Variants in PAIP2 observed in about 807,000 individuals in gnomAD.
The protein encoded by PAIP2 is polyadenylate-binding protein-interacting protein 2.
PAIP2 carries 7 observed loss-of-function variants against 14.8 expected under a neutral mutation model. That is an observed-to-expected ratio of 0.47 (90% CI 0.27 to 0.89). The LOEUF (loss-of-function observed/expected upper bound fraction) is 0.89. Ranked by LOEUF, PAIP2 falls within the 40% of genes least tolerant of loss-of-function variation. PAIP2 has a pLI of 0.13. For synonymous variants in PAIP2, 47 were observed against 45.3 expected (o/e 1.04, Z -0.15); for missense variants, 122 against 154.7 (o/e 0.79, Z 1.12).
Position 139,345,275 on chromosome 5 carries a change from G to A in PAIP2, c.-27+3295G>A, listed in dbSNP as rs544283566. On this transcript the variant is annotated intron_variant, in intron 1 of 3. Coordinates refer to ENST00000265192, the MANE Select transcript of PAIP2 (RefSeq NM_016480.5). Reference sequence around the variant, plus strand: ...AGGATGGTCTCGATCTCCTGACCTCGTGATCCAACGGCCTTGGCCTCCCAA... The same window carrying A: ...AGGATGGTCTCGATCTCCTGACCTCATGATCCAACGGCCTTGGCCTCCCAA... Among the ~76,000 whole-genome samples the A allele has an allele frequency of 2.1e-3, 325 of 152,096 alleles. 1 individual carries two copies. Among genetic ancestry groups the A allele is most frequent in the African/African-American group, 7.5e-3 (311 of 41,470 alleles).
chr5:139,348,198 A>G (rs1756615992), intron 1 of PAIP2, among the ~76,000 whole-genome samples: 1 of 149,738 alleles, frequency 6.7e-6, no homozygotes, highest in South Asian at 2.1e-4. Flanking sequence ...TTATTTATTT[A>G]TATTTTTTGA....
intron 1 of PAIP2, among the ~76,000 whole-genome samples, chr5:139,348,407 T>A (rs1286844266): frequency 6.6e-6 from 1 of 150,584 alleles, no homozygotes; most frequent in African/African-American, 2.4e-5. Context: ...CAAGTTGGAG[T>A]GCAGTGGCGT....
rs1185620394 is a variant in PAIP2 at position 139,352,488 on chromosome 5, G to GTTT, written c.-27+10516_-27+10518dup. On this transcript the variant is annotated intron_variant, in intron 1 of 3. Transcript: ENST00000265192. ...TGGCTTTCTCAGTTAATTCCTGCCA[G>GTTT]TTTTTTTTTTGTTGTTTTTTTTTTT... Among the ~76,000 whole-genome samples the GTTT allele has an allele frequency of 1.9e-3, 183 of 94,788 alleles. 7 individuals carry two copies. The highest frequency in any genetic ancestry group is 4.5e-3 in the South Asian group (12 of 2,654). The allele number at this position is 94,788 out of a possible 152,430, so 62.2% of individuals were successfully genotyped here. A position where few individuals can be genotyped will look rare whatever the true frequency, so the allele number is the denominator to read the frequency against.
intron 1 of PAIP2, among the ~76,000 whole-genome samples, chr5:139,360,689 C>T (rs558421761): frequency 1.3e-5 from 2 of 152,142 alleles, no homozygotes; most frequent in South Asian, 4.2e-4. Context: ...TATCAAACTC[C>T]TGGGCTCAAG....
At chr5:139,350,623 T>G (rs1404537995) in intron 1 of PAIP2, among the ~76,000 whole-genome samples, 1 of 150,852 alleles carries the variant, frequency 6.6e-6, no homozygotes, top group African/African-American at 2.4e-5. Context: ...AGAGTGAGAC[T>G]CTGTCTCAAA....
At chr5:139,364,451 C>A in intron 2 of PAIP2, 113 bp from the exon 3 acceptor site, 1 of 589,228 alleles carries the variant, frequency 1.7e-6, no homozygotes, top group Non-Finnish European at 2.9e-6. Flanking sequence ...AGCATGGAAG[C>A]AGAAAAGAAA....
chr5:139,343,836 G>A (rs1011690539), intron 1 of PAIP2, among the ~76,000 whole-genome samples: 2 of 149,532 alleles, frequency 1.3e-5, no homozygotes, highest in Non-Finnish European at 3.0e-5. Flanking sequence ...TCCTGCCTCC[G>A]CCTCCCTAGT....
chr5:139,360,321 A>T (rs1757031932), intron 1 of PAIP2, among the ~76,000 whole-genome samples: 1 of 152,092 alleles, frequency 6.6e-6, no homozygotes, highest in African/African-American at 2.4e-5. Context: ...CTATCAAAAT[A>T]GTTTTTCATC....
At chr5:139,354,487 G>A (rs747675124) in intron 1 of PAIP2, among the ~76,000 whole-genome samples, 4 of 152,018 alleles carry the variant, frequency 2.6e-5, no homozygotes, top group Admixed American at 6.6e-5. Flanking sequence ...GTATTGGTAC[G>A]GGTCATATTG....
intron 3 of PAIP2, among the ~76,000 whole-genome samples, chr5:139,365,839 A>T (rs1407737322): frequency 2.6e-5 from 4 of 152,210 alleles, no homozygotes; most frequent in African/African-American, 9.6e-5. Context: ...TTAATAATTT[A>T]AAAACACACA....
intron 3 of PAIP2, among the ~76,000 whole-genome samples, chr5:139,366,709 C>T (rs1334345853): frequency 6.6e-6 from 1 of 152,202 alleles, no homozygotes; most frequent in African/African-American, 2.4e-5. Context: ...TTGTTCTTCT[C>T]AGTCTATTTG....
intron 3 of PAIP2, among the ~76,000 whole-genome samples, chr5:139,366,749 C>T (rs764954002): frequency 2.0e-5 from 3 of 152,156 alleles, no homozygotes; most frequent in Non-Finnish European, 4.4e-5. Context: ...TTCTGTTGCT[C>T]CCAGAAAATT....
intron 1 of PAIP2, among the ~76,000 whole-genome samples, chr5:139,348,145 C>CA (rs56677878): frequency 0.08 from 5,537 of 69,332 alleles, 282 homozygotes; most frequent in African/African-American, 0.15. Flanking sequence ...GACTCCATGT[C>CA]AAAAAAAAAA....
chr5:139,348,643 C>T (rs1464034500), intron 1 of PAIP2, among the ~76,000 whole-genome samples: 1 of 151,792 alleles, frequency 6.6e-6, no homozygotes, highest in Non-Finnish European at 1.5e-5. Context: ...AGGCGTGAGC[C>T]ACTGTGCCTG....
At chr5:139,364,156 G>T (rs952823856) in intron 2 of PAIP2, 3 of 499,532 alleles carry the variant, frequency 6.0e-6, no homozygotes, top group African/African-American at 5.9e-5. Flanking sequence ...GAGGATGAGG[G>T]TGGAGCCTGG....
intron 3 of PAIP2, among the ~76,000 whole-genome samples, chr5:139,367,974 C>T (rs1037101707): frequency 6.6e-6 from 1 of 151,986 alleles, no homozygotes; most frequent in African/African-American, 2.4e-5. Flanking sequence ...GAGGCCGAGG[C>T]AGGCAGATCA....
chr5:139,363,978 G>T, intron 2 of PAIP2, 56 bp downstream of exon 2: 1 of 1,457,676 alleles, frequency 6.9e-7, no homozygotes. Context: ...CAATATGATT[G>T]TACTTGTCCC....
chr5:139,344,085 AT>A (rs1756465475), intron 1 of PAIP2, among the ~76,000 whole-genome samples: 1 of 152,206 alleles, frequency 6.6e-6, no homozygotes. Context: ...CATTGTTCTC[AT>A]TGCCTTTACA....
intron 1 of PAIP2, among the ~76,000 whole-genome samples, chr5:139,346,377 G>T (rs1231601028): frequency 6.6e-6 from 1 of 152,066 alleles, no homozygotes; most frequent in Non-Finnish European, 1.5e-5. Flanking sequence ...CAGTAGCTGG[G>T]ACTACAAGCA....
Sources: gnomAD v4.1 joint callset for allele counts (sites outside exome capture counted in the v4.1 genomes callset) on GRCh38, gnomAD v4.1.1 for gene constraint, MANE v1.5 for transcripts, NCBI Gene and HGNC (gene_info 2026-07-23, HGNC 2026-07-21) for gene names.